The following PRMT8 variants were observed in gnomAD, a reference collection of about 807,000 sequenced individuals.
PRMT8 encodes protein arginine N-methyltransferase 8.
PRMT8 carries 7 observed loss-of-function variants against 47.1 expected under a neutral mutation model. That is an observed-to-expected ratio of 0.15 (90% CI 0.08 to 0.28). The LOEUF (loss-of-function observed/expected upper bound fraction) is 0.28. PRMT8 is among the 10% of genes least tolerant of loss of function. The pLI is 1.00. For synonymous variants in PRMT8, 188 were observed against 186.5 expected (o/e 1.01, Z -0.07); for missense variants, 237 against 505.4 (o/e 0.47, Z 5.09).
chr12:3,459,092 A>G (rs540163497), intron 1 of PRMT8, among the ~76,000 whole-genome samples: 2 of 152,318 alleles, frequency 1.3e-5, no homozygotes, highest in Middle Eastern at 6.8e-3. Flanking sequence ...CCCATTGTTC[A>G]TCCAGATTCC....
In PRMT8 at chr12:3,491,226, AGTTG is replaced by A; in HGVS notation, c.-399_-396del. On this transcript the variant is annotated 5_prime_UTR_variant, in exon 1 of 10. Coordinates refer to ENST00000382622, the MANE Select transcript of PRMT8 (RefSeq NM_019854.5). Reference sequence around the variant, plus strand: ...TTGCTTCGCCCAGCGGATCGGCAGAAGTTGAGAGGAGTTGGCGGCTGCCTCCGGC... The same window carrying A: ...TTGCTTCGCCCAGCGGATCGGCAGAAAGAGGAGTTGGCGGCTGCCTCCGGC... 2 of 1,002,088 alleles carry A rather than the reference AGTTG, an allele frequency of 2.0e-6. No individual in the cohort carries two copies. Among genetic ancestry groups the A allele is most frequent in the Non-Finnish European group, 2.4e-6 (2 of 840,914 alleles). 62.1% of individuals were successfully genotyped at this position (1,002,088 alleles called of 1,614,324 possible).
rs1381491547 is a variant in PRMT8, at chr12:3,492,035, C to G, written c.75+335C>G. Among the ~76,000 whole-genome samples, 1 of 152,058 alleles carries G rather than the reference C, an allele frequency of 6.6e-6. No individual in the cohort carries two copies. Among genetic ancestry groups the G allele is most frequent in the East Asian group, 1.9e-4 (1 of 5,166 alleles). On this transcript the variant is annotated intron_variant, in intron 1 of 9. Transcript: ENST00000382622. This position sits in a 1 kb window ranked among gnomAD's most constrained non-coding sequence, Gnocchi z 7.5. Reference sequence around the variant, plus strand: ...TCCCAAACCCCGGGCAGCCGCGCTCCCCTGCCCTCTCCTCTGGGCTCCGTG... The same window carrying G: ...TCCCAAACCCCGGGCAGCCGCGCTCGCCTGCCCTCTCCTCTGGGCTCCGTG...
In PRMT8 at chr12:3,552,567, C is replaced by T. The variant is rs1004730787; in HGVS notation, c.418-1084C>T. 1 of 355,546 alleles carries T rather than the reference C, an allele frequency of 2.8e-6. No individual in the cohort carries two copies. The highest frequency in any genetic ancestry group is 3.6e-5 in the Admixed American group (1 of 28,020). 22.0% of individuals were successfully genotyped at this position (355,546 alleles called of 1,614,324 possible). On this transcript the variant is annotated intron_variant, in intron 3 of 9. Transcript: ENST00000382622. The surrounding 1 kb of genome is among the most constrained non-coding windows in gnomAD (Gnocchi z 4.5). ...GGGAGAAGAAGAGGAGGGAATCACACCCCACAGACAGTGCAGCCTGAAGGC... is the reference window on the plus strand; with the variant it reads ...GGGAGAAGAAGAGGAGGGAATCACATCCCACAGACAGTGCAGCCTGAAGGC...
chr12:3,491,832 C>CTGTGTGTGTG (rs531683101), intron 1 of PRMT8, 132 bp downstream of exon 1: 28 of 536,354 alleles, frequency 5.2e-5, no homozygotes, highest in African/African-American at 4.2e-4. Flanking sequence ...CGGCCTCCTC[C>CTGTGTGTGTG]TGTGTGTGTG....
At position 3,397,037 on chromosome 12, in the gene PRMT8, T is replaced by A. The variant is rs1290622262; in HGVS notation, c.48+15595T>A. On this transcript the variant is annotated intron_variant, in intron 1 of 9. Coordinates refer to the PRMT8 transcript ENST00000452611. ...TGAGGCTTCTGCATTCTTCACGTAGTTCTCGAGCCTTGGTTTTCAGCTCCA... is the reference window on the plus strand; with the variant it reads ...TGAGGCTTCTGCATTCTTCACGTAGATCTCGAGCCTTGGTTTTCAGCTCCA... Among the ~76,000 whole-genome samples, 5 of 152,106 alleles carry A rather than the reference T, an allele frequency of 3.3e-5. No homozygotes were observed. In the East Asian group the frequency reaches 7.8e-4, roughly 24 times the overall value.
chr12:3,564,789 C>A lies in PRMT8; in HGVS notation c.482-3917C>A, dbSNP rs1332848504. Among the ~76,000 whole-genome samples, 1 of 152,220 alleles carries A rather than the reference C, an allele frequency of 6.6e-6. No individual in the cohort carries two copies. The highest frequency in any genetic ancestry group is 1.5e-5 in the Non-Finnish European group (1 of 68,042). Reference sequence around the variant, plus strand: ...GAATCTTAATATCAATAGCTTAGACCCCCTTGAAAATCCTTTGCATGGAGG... The same window carrying A: ...GAATCTTAATATCAATAGCTTAGACACCCTTGAAAATCCTTTGCATGGAGG... On this transcript the variant is annotated intron_variant, in intron 4 of 9. Coordinates refer to ENST00000382622, the MANE Select transcript of PRMT8 (RefSeq NM_019854.5). The surrounding 1 kb of genome is among the most constrained non-coding windows in gnomAD (Gnocchi z 4.0).
At chr12:3,512,205 C>A (rs1270907309) in intron 1 of PRMT8, among the ~76,000 whole-genome samples, 1 of 152,210 alleles carries the variant, frequency 6.6e-6, no homozygotes. Flanking sequence ...ATACCCACTG[C>A]TCTGTGGGCT....
intron 1 of PRMT8, among the ~76,000 whole-genome samples, chr12:3,418,669 C>T (rs2137059716): frequency 1.3e-5 from 2 of 152,242 alleles, no homozygotes; most frequent in East Asian, 1.9e-4. Flanking sequence ...GCTACCTCAC[C>T]CCACTTTACT....
At chr12:3,558,066 A>G (rs1346748587) in intron 4 of PRMT8, among the ~76,000 whole-genome samples, 2 of 151,860 alleles carry the variant, frequency 1.3e-5, no homozygotes, top group East Asian at 1.9e-4. Flanking sequence ...CCTCCTCCCT[A>G]GGCTTGCAGG....
At chr12:3,490,716 A>AGAGAGAGAGAGAGAGAGG (rs1565420868), upstream of PRMT8, among the ~76,000 whole-genome samples, 4 of 145,138 alleles carry the variant, frequency 2.8e-5, no homozygotes, top group Admixed American at 6.8e-5. Flanking sequence ...AGAGAGAGAG[A>AGAGAGAGAGAGAGAGAGG]GAGAAAAGGA....
intron 1 of PRMT8, among the ~76,000 whole-genome samples, 187 bp downstream of exon 1, chr12:3,491,887 T>G: frequency 4.4e-5 from 2 of 45,278 alleles, no homozygotes; most frequent in Admixed American, 2.5e-4. Flanking sequence ...TGTGTGTGTG[T>G]GTTGGTGGGG....
At chr12:3,455,660 A>G (rs1235123867) in intron 1 of PRMT8, among the ~76,000 whole-genome samples, 1 of 152,034 alleles carries the variant, frequency 6.6e-6, no homozygotes, top group Admixed American at 6.6e-5. Context: ...TCACCTCCGA[A>G]CCTTCTCCCG....
chr12:3,489,867 C>G (rs1297856485), upstream of PRMT8, among the ~76,000 whole-genome samples: 3 of 151,884 alleles, frequency 2.0e-5, no homozygotes, highest in Non-Finnish European at 4.4e-5. Flanking sequence ...ACTCAAGCCT[C>G]TTGCTACATT....
intron 1 of PRMT8, among the ~76,000 whole-genome samples, chr12:3,457,855 TTTTTTTTTTTTA>T (rs904333122): frequency 0.022 from 1,469 of 66,606 alleles, 30 homozygotes; most frequent in African/African-American, 0.057. Context: ...TTTTTTTTTT[TTTTTTTTTTTTA>T]AGACAGCGTT....
rs192252357 is a variant in PRMT8, at chr12:3,381,402, C to G, written c.8C>G (p.Ser3Cys). ...GAATGTGTGCCAGGTTGAATGGAGT[C>G]TCTGGCTTCAGATGGATTCAAGCTG... Residue 3 changes from serine to cysteine, a missense_variant, in exon 1 of 10, where the codon TCT becomes TGT. By Grantham distance (112) the Ser-to-Cys change is moderately radical (BLOSUM62 -1). Coordinates refer to the PRMT8 transcript ENST00000452611. The G allele has an allele frequency of 7.8e-6, 12 of 1,536,090 alleles. No individual in the cohort carries two copies. The Admixed American group carries it at 7.8e-5, about 10-fold the overall frequency.
chr12:3,504,879 G>A (rs556030104), intron 1 of PRMT8, among the ~76,000 whole-genome samples: 12 of 27,280 alleles, frequency 4.4e-4, no homozygotes, highest in African/African-American at 1.7e-3. Flanking sequence ...GACCCTCTGA[G>A]CCAGGTGTGG....
chr12:3,422,425 G>T (rs1864552472), intron 1 of PRMT8, among the ~76,000 whole-genome samples: 1 of 152,196 alleles, frequency 6.6e-6, no homozygotes, highest in Non-Finnish European at 1.5e-5. Context: ...AGTTGTAGAA[G>T]GAAAGGGCTT....
Position 3,535,081 on chromosome 12 carries a change from C to T in PRMT8, c.76-5525C>T, listed in dbSNP as rs73043232. The stretch of plus-strand genomic sequence containing the variant: ...ATCCTCTGCCATCTACCTGCATTTT[C>T]AAGGGATGTGGGTTAGGTCAAACAT... On this transcript the variant is annotated intron_variant, in intron 1 of 9. Coordinates refer to ENST00000382622, the MANE Select transcript of PRMT8 (RefSeq NM_019854.5). This position sits in a 1 kb window ranked among gnomAD's most constrained non-coding sequence, Gnocchi z 4.7. Among the ~76,000 whole-genome samples, 1,757 of 152,334 alleles carry T rather than the reference C, an allele frequency of 0.012. 18 individuals carry two copies. The highest frequency in any genetic ancestry group is 0.014 in the Non-Finnish European group (964 of 68,034).
chr12:3,486,804 T>C (rs907456018), upstream of PRMT8, among the ~76,000 whole-genome samples: 5 of 152,340 alleles, frequency 3.3e-5, no homozygotes, highest in Admixed American at 3.3e-4. Flanking sequence ...CAGATATTGT[T>C]AAAGCAAATA....
Sources: allele counts gnomAD v4.1 joint callset (sites outside exome capture counted in the v4.1 genomes callset), GRCh38; gene constraint gnomAD v4.1.1; non-coding constraint Gnocchi (gnomAD v3.1); transcripts MANE v1.5; gene names NCBI Gene and HGNC (gene_info 2026-07-23, HGNC 2026-07-21).